Variants in MYRIP observed in about 807,000 individuals in gnomAD.
MYRIP encodes myosin VIIA and Rab interacting protein, also known as rab effector MyRIP.
MYRIP carries 49 observed loss-of-function variants against 98.0 expected under a neutral mutation model. That is an observed-to-expected ratio of 0.50 (90% CI 0.40 to 0.63). MYRIP has a LOEUF of 0.63. MYRIP is among the 30% of genes least tolerant of loss of function. MYRIP has a pLI of 0.00. For synonymous variants in MYRIP, 404 were observed against 409.5 expected (o/e 0.99, Z 0.16); for missense variants, 1,004 against 1,058.2 (o/e 0.95, Z 0.71).
At chr3:40,194,797 C>T (rs937292819) in intron 10 of MYRIP, among the ~76,000 whole-genome samples, 20 of 151,748 alleles carry the variant, frequency 1.3e-4, no homozygotes, top group South Asian at 6.2e-4. Flanking sequence ...TTTTAATTAT[C>T]TTATACATTG....
At chr3:40,023,665 C>T (rs1347562856) in intron 2 of MYRIP, among the ~76,000 whole-genome samples, 2 of 152,160 alleles carry the variant, frequency 1.3e-5, no homozygotes, top group Non-Finnish European at 2.9e-5. Flanking sequence ...CTTCCATTGG[C>T]AGAGCCTAAC....
chr3:39,919,183 G>A (rs549408373), intron 2 of MYRIP, among the ~76,000 whole-genome samples: 3 of 152,316 alleles, frequency 2.0e-5, no homozygotes, highest in South Asian at 4.1e-4. Context: ...TCCCAGGCTG[G>A]TCTGAGTCCT....
At chr3:40,005,579 C>T (rs1049695168) in intron 2 of MYRIP, among the ~76,000 whole-genome samples, 2 of 152,072 alleles carry the variant, frequency 1.3e-5, no homozygotes, top group Non-Finnish European at 2.9e-5. Context: ...ATTTCATAGG[C>T]AGATGATTTG....
chr3:40,004,548 G>A (rs1946590867), intron 2 of MYRIP, among the ~76,000 whole-genome samples: 1 of 152,076 alleles, frequency 6.6e-6, no homozygotes. Flanking sequence ...GGTTTTTAGT[G>A]GTGATTTCTG....
intron 2 of MYRIP, among the ~76,000 whole-genome samples, chr3:39,907,073 G>C (rs996829295): frequency 6.6e-6 from 1 of 151,832 alleles, no homozygotes; most frequent in Admixed American, 6.6e-5. Flanking sequence ...GGTAACTCTT[G>C]AGTACCGAAC....
At chr3:39,870,815 G>C (rs1340385922) in intron 1 of MYRIP, among the ~76,000 whole-genome samples, 1 of 152,168 alleles carries the variant, frequency 6.6e-6, no homozygotes, top group East Asian at 1.9e-4. Flanking sequence ...CTTGTGCAAA[G>C]GGAAATGTGA....
At chr3:40,218,617 T>TATATATATATATATATA (rs1952212099) in intron 11 of MYRIP, among the ~76,000 whole-genome samples, 1 of 10,946 alleles carries the variant, frequency 9.1e-5, no homozygotes, top group Non-Finnish European at 2.7e-4. Context: ...ATATTTTATA[T>TATATATATATATATATA]ATATATATAT....
In MYRIP at chr3:40,166,929, T is replaced by C. The variant is rs1409246805; in HGVS notation, c.634T>C (p.Tyr212His). ...IEEAISKAEA[Y>H]GDSLDKQNEA... is the part of the protein sequence containing the mutation. ...GGAAGCAATTTCCAAAGCAGAGGCA[T>C]ATGGGGACAGCCTGGTAGGGCCCCT... The change falls in exon 6 of 17, where the codon TAT (tyrosine) becomes CAT (histidine). Residue 212 changes from tyrosine to histidine, a missense_variant. By Grantham distance (83) the Tyr-to-His change is moderately conservative. Coordinates refer to ENST00000302541, the MANE Select transcript of MYRIP (RefSeq NM_015460.4). 2.5e-6 allele frequency: 4 copies of C among 1,613,504 alleles called. No individual in the cohort carries two copies. Among genetic ancestry groups the C allele is most frequent in the Non-Finnish European group, 3.4e-6 (4 of 1,179,644 alleles).
intron 2 of MYRIP, among the ~76,000 whole-genome samples, chr3:39,979,650 CA>C (rs1400253573): frequency 5.1e-5 from 4 of 79,036 alleles, no homozygotes; most frequent in Non-Finnish European, 5.9e-5. Flanking sequence ...AAAACCAAAA[CA>C]AAACAAAAAA....
chr3:39,814,884 T>C lies in MYRIP; in HGVS notation c.-31+4968T>C, dbSNP rs961859582. Among the ~76,000 whole-genome samples the C allele has an allele frequency of 4.6e-5, 7 of 152,340 alleles. No homozygotes were observed. In the East Asian group the frequency reaches 5.8e-4, roughly 13 times the overall value. On this transcript the variant is annotated intron_variant, in intron 1 of 16. Coordinates refer to ENST00000302541, the MANE Select transcript of MYRIP (RefSeq NM_015460.4). ...TTTCACTATTGATATGTTCCTTTCA[T>C]GGACATGGCCTATCTCTATACATTA...
chr3:39,883,492 T>C (rs554586457), intron 1 of MYRIP, among the ~76,000 whole-genome samples: 1 of 152,194 alleles, frequency 6.6e-6, no homozygotes, highest in African/African-American at 2.4e-5. Context: ...CAGACACAGA[T>C]TTAAAAATAA....
chr3:40,227,554 T>C (rs1952523981), intron 11 of MYRIP, among the ~76,000 whole-genome samples: 1 of 152,318 alleles, frequency 6.6e-6, no homozygotes, highest in African/African-American at 2.4e-5. Context: ...ATAGAGGCTT[T>C]TTTCTTTTTA....
intron 3 of MYRIP, among the ~76,000 whole-genome samples, chr3:40,056,940 G>A (rs1947897663): frequency 6.6e-6 from 1 of 152,184 alleles, no homozygotes; most frequent in African/African-American, 2.4e-5. Flanking sequence ...TGGAGTTGTT[G>A]TGAGGATTAA....
At chr3:40,039,210 T>C (rs1947455909) in intron 2 of MYRIP, among the ~76,000 whole-genome samples, 1 of 152,112 alleles carries the variant, frequency 6.6e-6, no homozygotes, top group Non-Finnish European at 1.5e-5. Flanking sequence ...TTGAGGAAAG[T>C]TGGGGTGGAG....
At chr3:40,108,153 G>A (rs543939089) in intron 3 of MYRIP, among the ~76,000 whole-genome samples, 2 of 148,472 alleles carry the variant, frequency 1.3e-5, no homozygotes, top group East Asian at 4.0e-4. Flanking sequence ...GCAGCACTTA[G>A]TTATGAGTTA....
At chr3:40,043,968 G>T (rs1000280109) in intron 2 of MYRIP, 82 bp from the exon 3 acceptor site, 3 of 1,323,574 alleles carry the variant, frequency 2.3e-6, no homozygotes, top group South Asian at 1.4e-5. Flanking sequence ...GGGAGGGACA[G>T]GGTGCATGCT....
At position 40,190,015 on chromosome 3, in the gene MYRIP, C is replaced by T; in HGVS notation, c.1217C>T (p.Ala406Val). Residue 406 changes from alanine to valine, a missense_variant, in exon 10 of 17, where the codon GCC becomes GTC. Ala to Val is a moderately conservative substitution (Grantham distance 64). Transcript: ENST00000302541. Reference protein sequence around the residue: ...DSEEDFDWSEALSKLCPRSRA... With the variant: ...DSEEDFDWSEVLSKLCPRSRA... ...GAGGAAGACTTTGACTGGAGTGAGG[C>T]CTTGAGCAAGCTGTGTCCCAGGTCC... 1 of 1,614,088 alleles carries T rather than the reference C, an allele frequency of 6.2e-7. No individual in the cohort carries two copies. Among genetic ancestry groups the T allele is most frequent in the Non-Finnish European group, 8.5e-7 (1 of 1,179,998 alleles).
chr3:40,081,322 G>A (rs571500643), intron 3 of MYRIP, among the ~76,000 whole-genome samples: 46 of 152,168 alleles, frequency 3.0e-4, no homozygotes, highest in Admixed American at 1.4e-3. Flanking sequence ...ATCAATTACT[G>A]AAAAAGGCAT....
intron 3 of MYRIP, among the ~76,000 whole-genome samples, chr3:40,085,042 G>C (rs56172548): frequency 2.0e-4 from 30 of 150,376 alleles, no homozygotes; most frequent in Non-Finnish European, 3.4e-4. Context: ...GTTATATATC[G>C]ATAGATATAT....
Sources: gnomAD v4.1 joint callset for allele counts (sites outside exome capture counted in the v4.1 genomes callset) on GRCh38, gnomAD v4.1.1 for gene constraint, MANE v1.5 for transcripts, NCBI Gene and HGNC (gene_info 2026-07-23, HGNC 2026-07-21) for gene names.